Variants in PARN observed in about 807,000 individuals in gnomAD.
The protein encoded by PARN is poly(A)-specific ribonuclease, also known as poly(A)-specific ribonuclease PARN.
PARN carries 71 observed loss-of-function variants against 102.8 expected under a neutral mutation model. That is an observed-to-expected ratio of 0.69 (90% CI 0.57 to 0.84). The LOEUF is 0.84. PARN is among the 40% of genes least tolerant of loss of function. PARN has a pLI of 0.00. For missense variants in PARN, 782 were observed against 760.9 expected, an observed-to-expected ratio of 1.03 and a Z score of -0.33; for synonymous variants, 261 against 252.9, an observed-to-expected ratio of 1.03 and a Z score of -0.30.
intron 23 of PARN, 62 bp from the exon 24 acceptor site, chr16:14,436,834 T>G (rs1052451762): frequency 3.3e-6 from 4 of 1,214,526 alleles, no homozygotes; most frequent in South Asian, 1.3e-5. Context: ...GAGGAGAGCA[T>G]GACATGACCA....
Position 14,589,042 on chromosome 16 carries a change from T to C in PARN, c.919-2681A>G, listed in dbSNP as rs555962867. Reference sequence around the variant, plus strand: ...TGAAAATATAAAAATTAGCTGGGCATGGTGGCAGGTGCCTGTAAACCCAGC... The same window carrying C: ...TGAAAATATAAAAATTAGCTGGGCACGGTGGCAGGTGCCTGTAAACCCAGC... On this transcript the variant is annotated intron_variant, in intron 13 of 23. Coordinates refer to ENST00000437198, the MANE Select transcript of PARN (RefSeq NM_002582.4). Among the ~76,000 whole-genome samples, 333 of 152,080 alleles carry C rather than the reference T, an allele frequency of 2.2e-3. 1 individual carries two copies. Among genetic ancestry groups the C allele is most frequent in the Non-Finnish European group, 2.5e-3 (168 of 68,002 alleles).
intron 21 of PARN, among the ~76,000 whole-genome samples, chr16:14,549,872 T>C (rs1483200748): frequency 1.3e-5 from 2 of 152,296 alleles, no homozygotes; most frequent in East Asian, 3.9e-4. Flanking sequence ...GTAACTATTA[T>C]CTCCCTCTTA....
chr16:14,593,032 A>G (rs1023499341), intron 13 of PARN, among the ~76,000 whole-genome samples: 1 of 151,972 alleles, frequency 6.6e-6, no homozygotes, highest in Non-Finnish European at 1.5e-5. Flanking sequence ...GCTACTCAGG[A>G]GGCTGAGGCA....
chr16:14,609,181 C>G (rs947038276), intron 7 of PARN, 58 bp from the exon 8 acceptor site: 1 of 810,964 alleles, frequency 1.2e-6, no homozygotes, highest in South Asian at 1.6e-5. Flanking sequence ...AGTCATCAAC[C>G]AAGAAAATAA....
At chr16:14,520,284 T>C (rs1176379145) in intron 21 of PARN, among the ~76,000 whole-genome samples, 1 of 152,170 alleles carries the variant, frequency 6.6e-6, no homozygotes, top group Non-Finnish European at 1.5e-5. Flanking sequence ...GTGTGGCCCT[T>C]ATATGAATCT....
At chr16:14,516,276 G>A (rs1965451671) in intron 21 of PARN, among the ~76,000 whole-genome samples, 1 of 151,802 alleles carries the variant, frequency 6.6e-6, no homozygotes, top group South Asian at 2.1e-4. Flanking sequence ...TATAATAGAA[G>A]TTTTCATAGA....
At chr16:14,452,253 TAAACA>T (rs1433091221) in intron 22 of PARN, among the ~76,000 whole-genome samples, 1 of 152,238 alleles carries the variant, frequency 6.6e-6, no homozygotes, top group Non-Finnish European at 1.5e-5. Context: ...CTCCTCTCCA[TAAACA>T]ACTGACTGCT....
intron 21 of PARN, among the ~76,000 whole-genome samples, chr16:14,524,772 T>G (rs1457835150): frequency 6.6e-6 from 1 of 152,200 alleles, no homozygotes; most frequent in Non-Finnish European, 1.5e-5. Context: ...CAGCCATCAG[T>G]GCCACTCGGA....
chr16:14,580,940 G>C lies in PARN; in HGVS notation c.1196C>G (p.Ser399Cys). 6.3e-7 allele frequency: 1 copy of C among 1,599,222 alleles called. No individual in the cohort carries two copies. The highest frequency in any genetic ancestry group is 1.3e-5 in the African/African-American group (1 of 74,752). Residue 399 changes from serine to cysteine, a missense_variant, in exon 18 of 24, where the codon TCT becomes TGT. Transcript: ENST00000437198. ...ATGAATTTTTGGAGGGCTGAGAAAA[G>C]AACCTAATGAAGAAAAGAAGAGAGG... ...CFISMANYLGSFLSPPKIHVS... is the reference protein window; with the variant it reads ...CFISMANYLGCFLSPPKIHVS...
chr16:14,564,579 G>C (rs967213536), intron 18 of PARN, among the ~76,000 whole-genome samples: 1 of 152,156 alleles, frequency 6.6e-6, no homozygotes, highest in African/African-American at 2.4e-5. Context: ...AGGGTGAGGC[G>C]AGGCCTCAGA....
chr16:14,615,300 T>TG (rs890339622), intron 6 of PARN, among the ~76,000 whole-genome samples: 5 of 147,216 alleles, frequency 3.4e-5, no homozygotes, highest in South Asian at 2.1e-4. Flanking sequence ...TCTTCTTTTA[T>TG]GGGAAAAAAA....
At chr16:14,499,573 CAA>C (rs1452963919) in intron 21 of PARN, among the ~76,000 whole-genome samples, 2 of 152,206 alleles carry the variant, frequency 1.3e-5, no homozygotes, top group African/African-American at 4.8e-5. Flanking sequence ...TTTCCAGACT[CAA>C]GTCATTAAAT....
intron 18 of PARN, among the ~76,000 whole-genome samples, chr16:14,579,821 T>C (rs1346852501): frequency 2.0e-5 from 3 of 151,820 alleles, no homozygotes; most frequent in African/African-American, 4.8e-5. Flanking sequence ...ACTAAAAATA[T>C]AAAGATTAGC....
At chr16:14,561,294 G>A (rs917928538) in intron 18 of PARN, among the ~76,000 whole-genome samples, 4 of 152,082 alleles carry the variant, frequency 2.6e-5, no homozygotes, top group African/African-American at 9.7e-5. Context: ...AGCAAAATGT[G>A]CTTCCCCGCC....
chr16:14,444,188 T>C (rs1395643720), intron 23 of PARN, among the ~76,000 whole-genome samples: 2 of 152,136 alleles, frequency 1.3e-5, no homozygotes, highest in African/African-American at 2.4e-5. Flanking sequence ...GTGGAAAGGA[T>C]CCATTAAGTT....
intron 7 of PARN, among the ~76,000 whole-genome samples, chr16:14,609,379 A>G (rs759538098): frequency 7.9e-5 from 12 of 152,150 alleles, no homozygotes; most frequent in Non-Finnish European, 1.5e-4. Context: ...CAGCCTGGGC[A>G]ATATACTGAG....
chr16:14,520,372 A>G (rs149502375), intron 21 of PARN, among the ~76,000 whole-genome samples: 26 of 152,322 alleles, frequency 1.7e-4, no homozygotes, highest in African/African-American at 5.5e-4. Flanking sequence ...ATAGTTTATC[A>G]TTTTAAGATA....
chr16:14,507,595 G>A (rs1258816482), intron 21 of PARN, among the ~76,000 whole-genome samples: 2 of 150,726 alleles, frequency 1.3e-5, no homozygotes, highest in Admixed American at 6.6e-5. Context: ...AGGCTGAGGC[G>A]CAAGAATCAC....
intron 18 of PARN, among the ~76,000 whole-genome samples, chr16:14,562,524 A>G (rs901143292): frequency 6.6e-6 from 1 of 152,032 alleles, no homozygotes; most frequent in African/African-American, 2.4e-5. Context: ...GAAGGCAGTA[A>G]CATAAGCCTT....
Sources: allele counts gnomAD v4.1 joint callset (sites outside exome capture counted in the v4.1 genomes callset), GRCh38; gene constraint gnomAD v4.1.1; transcripts MANE v1.5; gene names NCBI Gene and HGNC (gene_info 2026-07-23, HGNC 2026-07-21).